USP37: variants seen among roughly 807,000 people sequenced by gnomAD.
The protein encoded by USP37 is ubiquitin specific peptidase 37, also known as ubiquitin carboxyl-terminal hydrolase 37.
In USP37, 27 loss-of-function variants were observed where a neutral mutation model predicts 124.0. The observed-to-expected ratio is 0.22, with a 90% CI of 0.16 to 0.30. USP37 has a LOEUF of 0.30. USP37 is among the 10% of genes least tolerant of loss of function. The pLI, the probability that USP37 is intolerant of heterozygous loss-of-function variation, is 1.00. For synonymous variants in USP37, 365 were observed against 388.0 expected (o/e 0.94, Z 0.70); for missense variants, 889 against 1,140.4 (o/e 0.78, Z 3.17).
At chr2:218,504,652 C>A (rs1410165036) in intron 11 of USP37, among the ~76,000 whole-genome samples, 1 of 152,202 alleles carries the variant, frequency 6.6e-6, no homozygotes, top group African/African-American at 2.4e-5. Context: ...CCAGGCTGGT[C>A]TTGAATTCCT....
intron 5 of USP37, among the ~76,000 whole-genome samples, chr2:218,550,707 A>G (rs1692619086): frequency 6.6e-6 from 1 of 151,124 alleles, no homozygotes; most frequent in Non-Finnish European, 1.5e-5. Flanking sequence ...CACTGCTACC[A>G]ATGTGGTAGT....
chr2:218,558,162 CG>C (rs1693127019), intron 4 of USP37, among the ~76,000 whole-genome samples: 1 of 151,784 alleles, frequency 6.6e-6, no homozygotes, highest in African/African-American at 2.4e-5. Flanking sequence ...ATGAATCCAT[CG>C]TCATGTATGT....
At chr2:218,528,430 C>A (rs981766409) in intron 10 of USP37, 4 of 175,522 alleles carry the variant, frequency 2.3e-5, no homozygotes, top group Admixed American at 1.2e-4. Context: ...CCTAGCCCCC[C>A]ACCCCACGAC....
chr2:218,500,494 G>A (rs766816801), intron 11 of USP37, among the ~76,000 whole-genome samples: 1 of 150,762 alleles, frequency 6.6e-6, no homozygotes, highest in Non-Finnish European at 1.5e-5. Context: ...TGATCTGCCC[G>A]CCTTTGCCTC....
intron 10 of USP37, among the ~76,000 whole-genome samples, chr2:218,526,999 A>G (rs1574927753): frequency 6.6e-6 from 1 of 151,818 alleles, no homozygotes; most frequent in Non-Finnish European, 1.5e-5. Flanking sequence ...CGTGTTAGCC[A>G]GGATGGTCTC....
chr2:218,558,388 AGAAATATTAATCTAG>A, intron 4 of USP37, 95 bp downstream of exon 4: 1 of 974,348 alleles, frequency 1.0e-6, no homozygotes, highest in Non-Finnish European at 1.4e-6. Context: ...ATAAGAAGCA[AGAAATATTAATCTAG>A]GAGGAGGGCT....
At chr2:218,540,583 A>G (rs1691921310) in intron 8 of USP37, among the ~76,000 whole-genome samples, 2 of 152,188 alleles carry the variant, frequency 1.3e-5, no homozygotes, top group South Asian at 2.1e-4. Flanking sequence ...TGGAGGCTAC[A>G]GTGAGCTATG....
At chr2:218,565,267 T>C (rs1292113291) in intron 1 of USP37, among the ~76,000 whole-genome samples, 2 of 152,256 alleles carry the variant, frequency 1.3e-5, no homozygotes, top group African/African-American at 2.4e-5. Flanking sequence ...CTGACTTAAA[T>C]ATGGAATTTT....
chr2:218,545,704 A>G (rs1283885310), intron 8 of USP37, among the ~76,000 whole-genome samples: 1 of 152,032 alleles, frequency 6.6e-6, no homozygotes, highest in Non-Finnish European at 1.5e-5. Flanking sequence ...TCCTCACAAA[A>G]TGAGGACGAT....
At chr2:218,544,619 A>G (rs1257645025) in intron 8 of USP37, among the ~76,000 whole-genome samples, 1 of 152,056 alleles carries the variant, frequency 6.6e-6, no homozygotes, top group Non-Finnish European at 1.5e-5. Context: ...AAAATCTGCC[A>G]GAGGGCAAAG....
intron 22 of USP37, among the ~76,000 whole-genome samples, chr2:218,460,870 G>A (rs1360632571): frequency 1.3e-5 from 2 of 152,062 alleles, no homozygotes; most frequent in Admixed American, 1.3e-4. Flanking sequence ...GAACCCGGGA[G>A]GCGGAGGTTG....
At chr2:218,462,358 G>A (rs1437868070) in intron 22 of USP37, among the ~76,000 whole-genome samples, 1 of 152,036 alleles carries the variant, frequency 6.6e-6, no homozygotes. Flanking sequence ...AGACATGGAA[G>A]AACCAGGAAC....
intron 18 of USP37, 22 bp downstream of exon 18, chr2:218,479,628 G>A (rs770259295): frequency 1.2e-6 from 2 of 1,606,052 alleles, no homozygotes; most frequent in Non-Finnish European, 8.5e-7. Context: ...CAGATTTTGG[G>A]TACATAAGAA....
In USP37 at chr2:218,553,527, T is replaced by C. The variant is rs368593823; in HGVS notation, c.328+26A>G. The C allele has an allele frequency of 1.3e-5, 21 of 1,572,704 alleles. No individual in the cohort carries two copies. The African/African-American group carries it at 2.7e-4, about 20-fold the overall frequency. ...CATAGCCTTGTAAAAATACTAACGT[T>C]AGACCCTGGGGTGATTAGTACTCAC... On this transcript the variant is annotated intron_variant, in intron 5 of 25. Coordinates refer to ENST00000258399, the MANE Select transcript of USP37 (RefSeq NM_020935.3).
intron 4 of USP37, among the ~76,000 whole-genome samples, chr2:218,556,503 G>GTTTTTTTTTTTTTTT (rs34907421): frequency 1.9e-5 from 1 of 53,806 alleles, no homozygotes. Flanking sequence ...GGGTTTTTCT[G>GTTTTTTTTTTTTTTT]TTTTTTTTTT....
At chr2:218,491,019 G>A (rs761171723) in intron 14 of USP37, among the ~76,000 whole-genome samples, 4 of 152,120 alleles carry the variant, frequency 2.6e-5, no homozygotes, top group Non-Finnish European at 4.4e-5. Flanking sequence ...GACTACAGGT[G>A]TGCACCACCA....
chr2:218,513,868 G>T (rs1294878989), intron 10 of USP37, among the ~76,000 whole-genome samples: 1 of 152,092 alleles, frequency 6.6e-6, no homozygotes, highest in African/African-American at 2.4e-5. Flanking sequence ...GGAGTACAAT[G>T]GCGCCATCGC....
In USP37 at chr2:218,475,235, A is replaced by G. The variant is rs567058723; in HGVS notation, c.2044-350T>C. ...TCCAGATATATATAGATTATACAGT[A>G]AATATTCTATCATTATGCCTACTAC... On this transcript the variant is annotated intron_variant, in intron 19 of 25. Transcript: ENST00000258399. 1.2e-3 allele frequency among the ~76,000 whole-genome samples: 187 copies of G among 152,346 alleles called. 6 individuals carry two copies. In the South Asian group the frequency reaches 0.037, roughly 30 times the overall value.
At position 218,488,294 on chromosome 2, in the gene USP37, T is replaced by C. The variant is rs370128466; in HGVS notation, c.1590+10A>G. The C allele has an allele frequency of 2.8e-5, 43 of 1,525,842 alleles. No homozygotes were observed. Among genetic ancestry groups the C allele is most frequent in the Non-Finnish European group, 3.6e-5 (40 of 1,117,902 alleles). The allele number at this position is 1,525,842 out of a possible 1,614,324, so 94.5% of individuals were successfully genotyped here. On this transcript the variant is annotated intron_variant, in intron 15 of 25. Transcript: ENST00000258399. ...TTTAGTTATGTGAAAATACAAAAGA[T>C]ATTATTTACCCTAAAGAAAAGATCA...
Sources: allele counts gnomAD v4.1 joint callset (sites outside exome capture counted in the v4.1 genomes callset), GRCh38; gene constraint gnomAD v4.1.1; transcripts MANE v1.5; gene names NCBI Gene and HGNC (gene_info 2026-07-23, HGNC 2026-07-21).